The following RBMS3 variants were observed in gnomAD, a reference collection of about 807,000 sequenced individuals.
RBMS3 encodes RNA-binding motif, single-stranded-interacting protein 3.
In RBMS3, 27 loss-of-function variants were observed where a neutral mutation model predicts 66.8. The observed-to-expected ratio is 0.40, with a 90% confidence interval of 0.30 to 0.56. The LOEUF (loss-of-function observed/expected upper bound fraction) is 0.56, where lower values mean the gene tolerates loss of function less well. RBMS3 is among the 20% of genes least tolerant of loss of function. The probability of loss-of-function intolerance (pLI) is 0.40; values close to 1 mark genes in which losing one functional copy is unlikely to be tolerated. For synonymous variants in RBMS3, 188 were observed against 183.0 expected, an observed-to-expected ratio of 1.03 and a Z score of -0.22; for missense variants, 513 against 549.5, an observed-to-expected ratio of 0.93 and a Z score of 0.66.
chr3:29,989,376 G>A (rs958776665), intron 13 of RBMS3, among the ~76,000 whole-genome samples: 2 of 152,068 alleles, frequency 1.3e-5, no homozygotes, highest in African/African-American at 2.4e-5. Context: ...CTGTTTTATT[G>A]CCCTTCTTTC....
chr3:29,465,514 G>A (rs2042511772), intron 2 of RBMS3, among the ~76,000 whole-genome samples: 2 of 150,432 alleles, frequency 1.3e-5, no homozygotes, highest in African/African-American at 4.9e-5. Context: ...TTAGGGTTTG[G>A]GACCCAAACA....
At chr3:29,840,096 A>C (rs1359236786) in intron 6 of RBMS3, among the ~76,000 whole-genome samples, 2 of 151,948 alleles carry the variant, frequency 1.3e-5, no homozygotes, top group Non-Finnish European at 2.9e-5. Flanking sequence ...TTTAATATGA[A>C]ACTGTAAGGA....
chr3:29,593,494 G>A (rs1285114519), intron 4 of RBMS3, among the ~76,000 whole-genome samples: 1 of 151,486 alleles, frequency 6.6e-6, no homozygotes, highest in Non-Finnish European at 1.5e-5. Flanking sequence ...CAGGCGATTC[G>A]AGAGTTGTTT....
chr3:29,783,384 G>C (rs2056707765), intron 6 of RBMS3, among the ~76,000 whole-genome samples: 1 of 152,046 alleles, frequency 6.6e-6, no homozygotes, highest in African/African-American at 2.4e-5. Context: ...AAGGGATTGG[G>C]GTCCTATTTT....
chr3:29,643,223 C>A (rs1206169177), intron 4 of RBMS3, among the ~76,000 whole-genome samples: 1 of 152,020 alleles, frequency 6.6e-6, no homozygotes, highest in Non-Finnish European at 1.5e-5. Context: ...CAGGGAAGAG[C>A]GCTACCAATC....
At chr3:29,378,852 T>C (rs2038621502) in intron 1 of RBMS3, among the ~76,000 whole-genome samples, 1 of 152,164 alleles carries the variant, frequency 6.6e-6, no homozygotes, top group Non-Finnish European at 1.5e-5. Flanking sequence ...CAAAAAAATA[T>C]ATAAAACCAA....
At chr3:29,419,390 TG>T (rs1188773088) in intron 1 of RBMS3, among the ~76,000 whole-genome samples, 1 of 152,188 alleles carries the variant, frequency 6.6e-6, no homozygotes, top group East Asian at 1.9e-4. Context: ...ATTTATCTGC[TG>T]AATTCTAATT....
At chr3:29,822,675 C>A (rs1452619694) in intron 6 of RBMS3, among the ~76,000 whole-genome samples, 4 of 152,032 alleles carry the variant, frequency 2.6e-5, no homozygotes, top group African/African-American at 9.7e-5. Flanking sequence ...AAAGGTAAAG[C>A]AATATACTAG....
chr3:29,441,726 G>A (rs1044132078), intron 2 of RBMS3, among the ~76,000 whole-genome samples: 13 of 152,128 alleles, frequency 8.5e-5, no homozygotes, highest in Non-Finnish European at 1.5e-5. Context: ...ACCAGTATGG[G>A]TCAACCTGGA....
chr3:29,874,973 C>T (rs1422009465), intron 7 of RBMS3, among the ~76,000 whole-genome samples: 1 of 152,136 alleles, frequency 6.6e-6, no homozygotes, highest in Non-Finnish European at 1.5e-5. Flanking sequence ...GGCAGTATAA[C>T]ATACTTAGGT....
chr3:29,912,867 C>T (rs2060550088), intron 10 of RBMS3, among the ~76,000 whole-genome samples: 3 of 151,934 alleles, frequency 2.0e-5, no homozygotes, highest in African/African-American at 7.2e-5. Context: ...CACCTAGGTA[C>T]AGGCTATTTT....
At chr3:29,846,910 T>C (rs2058795772) in intron 6 of RBMS3, among the ~76,000 whole-genome samples, 1 of 152,158 alleles carries the variant, frequency 6.6e-6, no homozygotes, top group Admixed American at 6.5e-5. Context: ...TTTCTTCCCC[T>C]AATGAAATAA....
chr3:29,410,780 A>G (rs1016624554), intron 1 of RBMS3, among the ~76,000 whole-genome samples: 2 of 152,144 alleles, frequency 1.3e-5, no homozygotes, highest in Non-Finnish European at 2.9e-5. Context: ...GTGTTTTTCA[A>G]AGCTGTGTGT....
chr3:29,742,825 C>G (rs1206921545), intron 5 of RBMS3, among the ~76,000 whole-genome samples: 2 of 152,090 alleles, frequency 1.3e-5, no homozygotes, highest in Non-Finnish European at 2.9e-5. Flanking sequence ...ATTCATTGGT[C>G]TTTTACAACT....
At chr3:29,977,908 TA>T (rs58268240) in intron 12 of RBMS3, among the ~76,000 whole-genome samples, 7,221 of 142,424 alleles carry the variant, frequency 0.051, 543 homozygotes, top group African/African-American at 0.16. Flanking sequence ...GAGGCTCTAG[TA>T]AAAAAAAAAA....
chr3:29,284,316 G>T (rs1292922936), intron 1 of RBMS3, among the ~76,000 whole-genome samples: 2 of 152,002 alleles, frequency 1.3e-5, no homozygotes, highest in South Asian at 2.1e-4. Flanking sequence ...CTAAATTGAG[G>T]TAGGTTTTCT....
intron 3 of RBMS3, among the ~76,000 whole-genome samples, chr3:29,508,415 T>A (rs772321410): frequency 2.0e-5 from 3 of 152,160 alleles, no homozygotes; most frequent in Non-Finnish European, 4.4e-5. Flanking sequence ...TGCGTTCTCA[T>A]TGTTCAGCTC....
intron 12 of RBMS3, among the ~76,000 whole-genome samples, chr3:29,953,134 T>C (rs1042271626): frequency 1.3e-5 from 2 of 151,894 alleles, no homozygotes; most frequent in African/African-American, 4.8e-5. Flanking sequence ...TTGTGCAATA[T>C]GACTTTGGGA....
At chr3:29,801,624 T>C (rs2057394284) in intron 6 of RBMS3, among the ~76,000 whole-genome samples, 3 of 152,174 alleles carry the variant, frequency 2.0e-5, no homozygotes, top group African/African-American at 7.2e-5. Flanking sequence ...ATTTCATTTA[T>C]TTTTTCTTCC....
Sources: allele counts gnomAD v4.1 joint callset (sites outside exome capture counted in the v4.1 genomes callset), GRCh38; gene constraint gnomAD v4.1.1; transcripts MANE v1.5; gene names NCBI Gene and HGNC (gene_info 2026-07-23, HGNC 2026-07-21).